Variants in NUP205 observed in about 807,000 individuals in gnomAD.
The protein encoded by NUP205 is nuclear pore complex protein Nup205.
In NUP205, 76 loss-of-function variants were observed where a neutral mutation model predicts 253.8. The ratio of observed to expected loss-of-function variants is 0.30; its 90% CI spans 0.25 to 0.36. The LOEUF (loss-of-function observed/expected upper bound fraction) is 0.36. Among genes scored for constraint, NUP205 ranks in the 10% least tolerant of loss-of-function variants. The pLI is 1.00. For missense variants in NUP205, 2,162 were observed against 2,425.5 expected (o/e 0.89, Z 2.28); for synonymous variants, 832 against 850.1 (o/e 0.98, Z 0.37).
In NUP205 at chr7:135,635,604, G is replaced by A; in HGVS notation, c.5083G>A (p.Asp1695Asn). The A allele has an allele frequency of 1.3e-6, 2 of 1,587,700 alleles. No individual in the cohort carries two copies. Among genetic ancestry groups the A allele is most frequent in the Non-Finnish European group, 1.7e-6 (2 of 1,158,704 alleles). ...LPGILSELDVDVNEGSLMELQ... is the reference protein window; with the variant it reads ...LPGILSELDVNVNEGSLMELQ... ...AGGAATATTAAGTGAACTTGACGTT[G>A]ATGTAAATGAAGGGTCTCTAATGGA... Residue 1695 changes from aspartate (D) to asparagine (N), a missense_variant, in exon 36 of 43, where the codon GAT becomes AAT. Transcript: ENST00000285968.
chr7:135,582,615 G>A (rs1475369767), intron 7 of NUP205, among the ~76,000 whole-genome samples: 2 of 151,992 alleles, frequency 1.3e-5, no homozygotes, highest in Admixed American at 1.3e-4. Context: ...TCCCAAGTAG[G>A]TGGGACCACA....
At chr7:135,558,618 G>A (rs1407623019) in intron 1 of NUP205, among the ~76,000 whole-genome samples, 2 of 152,172 alleles carry the variant, frequency 1.3e-5, no homozygotes, top group Non-Finnish European at 2.9e-5. Flanking sequence ...ATCCTCTTTC[G>A]GTGATTCTCA....
intron 5 of NUP205, among the ~76,000 whole-genome samples, 157 bp downstream of exon 5, chr7:135,577,285 A>G (rs1360471253): frequency 9.9e-5 from 15 of 152,140 alleles, no homozygotes; most frequent in Admixed American, 8.5e-4. Context: ...TTTTTCATTG[A>G]CACAAAACTG....
At chr7:135,594,809 C>T in intron 13 of NUP205, 80 bp downstream of exon 13, 1 of 1,087,452 alleles carries the variant, frequency 9.2e-7, no homozygotes, top group African/African-American at 1.6e-5. Context: ...CAAGAACATG[C>T]AATTGGAACT....
chr7:135,565,545 G>T (rs1258778122), intron 1 of NUP205, among the ~76,000 whole-genome samples: 3 of 151,380 alleles, frequency 2.0e-5, no homozygotes, highest in African/African-American at 7.3e-5. Flanking sequence ...CTATTCTCCT[G>T]CCTCAGCCTC....
intron 14 of NUP205, 125 bp downstream of exon 14, chr7:135,597,543 G>T (rs1402374261): frequency 4.9e-6 from 3 of 612,102 alleles, no homozygotes; most frequent in Non-Finnish European, 8.4e-6. Flanking sequence ...TATTTGAAGG[G>T]TTTTCTGATC....
At position 135,635,565 on chromosome 7, in the gene NUP205, A is replaced by G; in HGVS notation, c.5060-16A>G. The G allele has an allele frequency of 7.2e-7, 1 of 1,393,940 alleles. No homozygotes were observed. The highest frequency in any genetic ancestry group is 1.0e-6 in the Non-Finnish European group (1 of 989,614). 86.3% of individuals were successfully genotyped at this position (1,393,940 alleles called of 1,614,324 possible). On this transcript the variant is annotated splice_polypyrimidine_tract_variant and intron_variant, in intron 35 of 42. Coordinates refer to ENST00000285968, the MANE Select transcript of NUP205 (RefSeq NM_015135.3). ...TTATTATAATAATATGTTTTAAAGCATTCTACATTTTATAGGAATATTAAG... is the reference window on the plus strand; with the variant it reads ...TTATTATAATAATATGTTTTAAAGCGTTCTACATTTTATAGGAATATTAAG...
rs1805481020 is a variant in NUP205, at chr7:135,558,111, T to G, written c.28+139T>G. 3 of 733,882 alleles carry G rather than the reference T, an allele frequency of 4.1e-6. No individual in the cohort carries two copies. In the South Asian group the frequency reaches 4.4e-5, roughly 11 times the overall value. The allele number at this position is 733,882 out of a possible 1,614,324, so 45.5% of individuals were successfully genotyped here. ...CTTTTCCCTAATTCTGGGCCTAGAG[T>G]CCCACCCCTCCCCAGTTTGAATGGC... On this transcript the variant is annotated intron_variant, in intron 1 of 42. Transcript: ENST00000285968.
intron 7 of NUP205, among the ~76,000 whole-genome samples, chr7:135,582,665 A>G (rs1460008743): frequency 6.6e-6 from 1 of 152,026 alleles, no homozygotes; most frequent in Non-Finnish European, 1.5e-5. Flanking sequence ...AGGTCTCACT[A>G]TGTTGCCTAG....
intron 39 of NUP205, 66 bp downstream of exon 39, chr7:135,643,424 A>G: frequency 2.0e-6 from 2 of 1,022,954 alleles, no homozygotes; most frequent in Non-Finnish European, 2.7e-6. Context: ...CAGGGTACTC[A>G]GACTGAGTAA....
intron 15 of NUP205, among the ~76,000 whole-genome samples, chr7:135,599,204 G>A (rs969868521): frequency 1.3e-5 from 2 of 152,048 alleles, no homozygotes; most frequent in Admixed American, 1.3e-4. Context: ...TAGCATCATG[G>A]GGATTTTTTT....
At chr7:135,609,246 G>A (rs1031958662) in intron 22 of NUP205, among the ~76,000 whole-genome samples, 3 of 152,008 alleles carry the variant, frequency 2.0e-5, no homozygotes, top group African/African-American at 7.2e-5. Flanking sequence ...GGTGAACATG[G>A]TGAAACCCCA....
At chr7:135,587,368 G>A (rs2129490139) in intron 8 of NUP205, among the ~76,000 whole-genome samples, 1 of 152,160 alleles carries the variant, frequency 6.6e-6, no homozygotes, top group East Asian at 1.9e-4. Context: ...AGTGGAAAAT[G>A]CATTCAAGTT....
rs6968195 is a variant in NUP205 at position 135,587,721 on chromosome 7, C to G, written c.1335+30C>G. The G allele has an allele frequency of 2.4e-3, 3,726 of 1,525,314 alleles. 84 individuals carry two copies. The African/African-American group carries it at 0.046, about 19-fold the overall frequency. The allele number at this position is 1,525,314 out of a possible 1,614,324, so 94.5% of individuals were successfully genotyped here. On this transcript the variant is annotated intron_variant, in intron 9 of 42. Coordinates refer to ENST00000285968, the MANE Select transcript of NUP205 (RefSeq NM_015135.3). ...GCCATTATATTAGAAAGCTTGTCCTCTTTCCCTCCTTTCATTATTTTTTCC... is the reference window on the plus strand; with the variant it reads ...GCCATTATATTAGAAAGCTTGTCCTGTTTCCCTCCTTTCATTATTTTTTCC...
Position 135,614,274 on chromosome 7 carries a change from G to A in NUP205, c.3310+1G>A, listed in dbSNP as rs1794303385. ...CAGTATCTACCATTTTCTAACAAAGGTAGGCCATTATTTTCCCGTATTTAT... is the reference window on the plus strand; with the variant it reads ...CAGTATCTACCATTTTCTAACAAAGATAGGCCATTATTTTCCCGTATTTAT... On this transcript the variant is annotated splice_donor_variant, in intron 23 of 42. Transcript: ENST00000285968. LOFTEE classifies it high-confidence loss of function. The A allele has an allele frequency of 1.4e-6, 2 of 1,468,344 alleles. No individual in the cohort carries two copies. Among genetic ancestry groups the A allele is most frequent in the Non-Finnish European group, 1.9e-6 (2 of 1,048,226 alleles). The allele number at this position is 1,468,344 out of a possible 1,614,324, so 91.0% of individuals were successfully genotyped here. A position where few individuals can be genotyped will look rare whatever the true frequency, so the allele number is the denominator to read the frequency against.
intron 8 of NUP205, among the ~76,000 whole-genome samples, chr7:135,586,587 T>C (rs1379444249): frequency 6.6e-6 from 1 of 152,212 alleles, no homozygotes; most frequent in Non-Finnish European, 1.5e-5. Context: ...CAATCACTGC[T>C]TTAGCTATGC....
At chr7:135,579,681 T>C (rs191301691) in intron 7 of NUP205, among the ~76,000 whole-genome samples, 3 of 152,270 alleles carry the variant, frequency 2.0e-5, no homozygotes, top group Admixed American at 2.0e-4. Context: ...TTTTCTTTTT[T>C]GTGGCCCAGG....
At chr7:135,629,844 A>G (rs1008745244) in intron 34 of NUP205, among the ~76,000 whole-genome samples, 1 of 152,154 alleles carries the variant, frequency 6.6e-6, no homozygotes, top group Admixed American at 6.5e-5. Context: ...ATTATAATAA[A>G]AATGAATTTT....
intron 12 of NUP205, 84 bp downstream of exon 12, chr7:135,593,276 A>G: frequency 1.6e-6 from 2 of 1,257,142 alleles, no homozygotes; most frequent in Non-Finnish European, 2.3e-6. Flanking sequence ...CTTTTAATTT[A>G]AGAGTAATAA....
Sources: allele counts gnomAD v4.1 joint callset (sites outside exome capture counted in the v4.1 genomes callset), GRCh38; gene constraint gnomAD v4.1.1; transcripts MANE v1.5; gene names NCBI Gene and HGNC (gene_info 2026-07-23, HGNC 2026-07-21).